ARSG: variants seen among roughly 807,000 people sequenced by gnomAD.
ARSG encodes the protein arylsulfatase G.
Under a neutral mutation model 50.5 loss-of-function variants are expected in ARSG, and 37 were observed. That is an observed-to-expected ratio of 0.73 (90% CI 0.56 to 0.96). The LOEUF is 0.96. Ranked by LOEUF, ARSG falls within the 50% of genes least tolerant of loss-of-function variation. The pLI is 0.00. For synonymous variants in ARSG, 225 were observed against 254.6 expected, an observed-to-expected ratio of 0.88 and a Z score of 1.11; for missense variants, 629 against 675.3, an observed-to-expected ratio of 0.93 and a Z score of 0.76.
At chr17:68,346,102 C>T (rs930540978) in intron 3 of ARSG, among the ~76,000 whole-genome samples, 2 of 152,118 alleles carry the variant, frequency 1.3e-5, no homozygotes, top group Admixed American at 6.6e-5. Flanking sequence ...TCTCAAACTC[C>T]TGGCCTCATG....
chr17:68,426,248 G>GGGGGGGGGGGGGGGT, downstream of ARSG: 1 of 832,028 alleles, frequency 1.2e-6, no homozygotes, highest in Middle Eastern at 3.9e-4. Context: ...CGGGTGGGGA[G>GGGGGGGGGGGGGGGT]CGGGGGCTCA....
rs55668215 is a variant in ARSG at position 68,372,877 on chromosome 17, A to ATT, written c.982+2384_982+2385dup. ...TTCTGGTGCAGAGAAGGAAATGCTG[A>ATT]TTTTTTTTTTTTTTTTTTTTTTTTT... On this transcript the variant is annotated intron_variant, in intron 8 of 11. Transcript: ENST00000621439. 1.4e-3 allele frequency among the ~76,000 whole-genome samples: 127 copies of ATT among 93,168 alleles called. 4 individuals are homozygous for ATT. Among genetic ancestry groups the ATT allele is most frequent in the East Asian group, 4.1e-3 (9 of 2,214 alleles). 61.1% of individuals were successfully genotyped at this position (93,168 alleles called of 152,430 possible). A position where few individuals can be genotyped will look rare whatever the true frequency, so the allele number is the denominator to read the frequency against.
At chr17:68,429,865 A>G in the ARSG span, 9 of 1,335,764 alleles carry the variant, frequency 6.7e-6, no homozygotes, top group East Asian at 2.4e-5. Flanking sequence ...CCGGGATTAC[A>G]GATGTAAGCC....
At chr17:68,264,557 C>T (rs1218783988) in intron 1 of ARSG, among the ~76,000 whole-genome samples, 1 of 151,956 alleles carries the variant, frequency 6.6e-6, no homozygotes, top group Non-Finnish European at 1.5e-5. Context: ...CTCCTGTCAG[C>T]CTCCCGAGTA....
chr17:68,449,301 G>A, the ARSG span, among the ~76,000 whole-genome samples: 1 of 152,284 alleles, frequency 6.6e-6, no homozygotes, highest in Non-Finnish European at 1.5e-5. Flanking sequence ...CTACCAGGTC[G>A]TATAATGGTG....
At chr17:68,442,423 C>T in the ARSG span, among the ~76,000 whole-genome samples, 6,856 of 150,836 alleles carry the variant, frequency 0.045, 481 homozygotes, top group African/African-American at 0.15. Flanking sequence ...TGAGATTGCA[C>T]CACCTCACTC....
Position 68,399,932 on chromosome 17 carries a change from T to C in ARSG, c.1213-1428T>C, listed in dbSNP as rs2081401145. ...CTGCAGGGATGGAAGAAGTGAGGGT[T>C]TTCAGTTACGACTTCTTTTCCTGTT... On this transcript the variant is annotated intron_variant, in intron 10 of 11. Transcript: ENST00000621439. This position sits in a 1 kb window ranked among gnomAD's most constrained non-coding sequence, Gnocchi z 4.6. Among the ~76,000 whole-genome samples, 1 of 152,202 alleles carries C rather than the reference T, an allele frequency of 6.6e-6. No homozygotes were observed. Among genetic ancestry groups the C allele is most frequent in the African/African-American group, 2.4e-5 (1 of 41,446 alleles).
In ARSG at chr17:68,413,265, G is replaced by T. The variant is rs1017582365; in HGVS notation, c.1304-6924G>T. 2.6e-3 allele frequency among the ~76,000 whole-genome samples: 397 copies of T among 152,044 alleles called. 2 individuals carry two copies. The highest frequency in any genetic ancestry group is 9.1e-3 in the African/African-American group (379 of 41,518). On this transcript the variant is annotated intron_variant, in intron 11 of 11. Transcript: ENST00000621439. ...ATCTTTGTGGTTTTATCTACGTTTG[G>T]TCTTTGATGATGGTGATGTACAGAT...
At chr17:68,340,642 G>A (rs2078227967) in intron 2 of ARSG, among the ~76,000 whole-genome samples, 1 of 152,120 alleles carries the variant, frequency 6.6e-6, no homozygotes, top group Admixed American at 6.6e-5. Context: ...GCCCCTCGAA[G>A]TTGACTCTTG....
rs2080413164 is a variant in ARSG at position 68,381,179 on chromosome 17, G to A, written c.983-3885G>A. Among the ~76,000 whole-genome samples the A allele has an allele frequency of 6.6e-6, 1 of 152,184 alleles. No individual in the cohort carries two copies. The highest frequency in any genetic ancestry group is 6.5e-5 in the Admixed American group (1 of 15,274). ...TGGGTCCCAGCCAAGAAAGACCACTGTTCCTCCGCGTGGGCAGTGGTGAGT... is the reference window on the plus strand; with the variant it reads ...TGGGTCCCAGCCAAGAAAGACCACTATTCCTCCGCGTGGGCAGTGGTGAGT... On this transcript the variant is annotated intron_variant, in intron 8 of 11. Coordinates refer to ENST00000621439, the MANE Select transcript of ARSG (RefSeq NM_001267727.2). The surrounding 1 kb of genome is among the most constrained non-coding windows in gnomAD (Gnocchi z 4.1).
chr17:68,268,407 C>T (rs2075219160), intron 1 of ARSG: 1 of 145,172 alleles, frequency 6.9e-6, no homozygotes, highest in Non-Finnish European at 1.5e-5. Context: ...TGGTAATCTT[C>T]ACATTTATGA....
chr17:68,413,354 C>T (rs1207584456), intron 11 of ARSG, among the ~76,000 whole-genome samples: 2 of 152,192 alleles, frequency 1.3e-5, no homozygotes, highest in Non-Finnish European at 2.9e-5. Context: ...GGACCCTCAG[C>T]TGCAGGTCTG....
intron 11 of ARSG, among the ~76,000 whole-genome samples, chr17:68,418,262 T>A (rs1205056240): frequency 6.6e-6 from 1 of 152,224 alleles, no homozygotes; most frequent in Non-Finnish European, 1.5e-5. Context: ...CTTGAACTTA[T>A]AAAGCCTTAG....
intron 3 of ARSG, chr17:68,346,766 C>T (rs993384401): frequency 3.8e-6 from 5 of 1,299,312 alleles, no homozygotes; most frequent in Admixed American, 2.3e-5. Flanking sequence ...CTCCTGGTGC[C>T]TTTGCAGGGC....
intron 8 of ARSG, among the ~76,000 whole-genome samples, chr17:68,376,303 G>T (rs566034252): frequency 3.2e-4 from 43 of 133,802 alleles, no homozygotes; most frequent in African/African-American, 1.2e-3. Flanking sequence ...CTGAGATAGG[G>T]TCTTGCTCTG....
Position 68,296,055 on chromosome 17 carries a change from G to A in ARSG, c.-552+4487G>A, listed in dbSNP as rs1305155536. ...CCACTGCACTTCAGCCTGGGCAACA[G>A]AGTAAGACCCTGTCTCAAACCAACC... On this transcript the variant is annotated intron_variant, in intron 1 of 11. Coordinates refer to ENST00000621439, the MANE Select transcript of ARSG (RefSeq NM_001267727.2). Among the ~76,000 whole-genome samples the A allele has an allele frequency of 2.0e-5, 3 of 152,164 alleles. No individual in the cohort carries two copies. In the East Asian group the frequency reaches 5.8e-4, roughly 29 times the overall value.
At position 68,420,748 on chromosome 17, in the gene ARSG, T is replaced by G; in HGVS notation, c.*285T>G. The G allele has an allele frequency of 2.3e-6, 1 of 441,416 alleles. No individual in the cohort carries two copies. Among genetic ancestry groups the G allele is most frequent in the Non-Finnish European group, 4.0e-6 (1 of 247,610 alleles). 27.3% of individuals were successfully genotyped at this position (441,416 alleles called of 1,614,324 possible). A position where few individuals can be genotyped will look rare whatever the true frequency, so the allele number is the denominator to read the frequency against. On this transcript the variant is annotated 3_prime_UTR_variant, in exon 12 of 12. Coordinates refer to ENST00000621439, the MANE Select transcript of ARSG (RefSeq NM_001267727.2). The stretch of plus-strand genomic sequence containing the variant: ...CCAGCTTTTGAACTTGGGCAATTGT[T>G]TAACCTAACCTGCAAGTTGATTTTG...
rs1215855084 is a variant in ARSG, at chr17:68,378,655, T to C, written c.983-6409T>C. 1.3e-5 allele frequency among the ~76,000 whole-genome samples: 2 copies of C among 152,180 alleles called. No individual in the cohort carries two copies. The highest frequency in any genetic ancestry group is 3.9e-4 in the East Asian group (2 of 5,186). On this transcript the variant is annotated intron_variant, in intron 8 of 11. Coordinates refer to ENST00000621439, the MANE Select transcript of ARSG (RefSeq NM_001267727.2). This position sits in a 1 kb window ranked among gnomAD's most constrained non-coding sequence, Gnocchi z 4.4. ...CTCTCCCAGCAGCCGCCTTCCCTTC[T>C]CCATGCCAGATCTGTTTCCTACCCA...
At chr17:68,349,142 T>G (rs2078640596) in intron 4 of ARSG, among the ~76,000 whole-genome samples, 1 of 151,592 alleles carries the variant, frequency 6.6e-6, no homozygotes, top group Non-Finnish European at 1.5e-5. Flanking sequence ...ACTAAAAAAA[T>G]AAAAAATTAG....
Sources: allele counts gnomAD v4.1 joint callset (sites outside exome capture counted in the v4.1 genomes callset), GRCh38; gene constraint gnomAD v4.1.1; non-coding constraint Gnocchi (gnomAD v3.1); transcripts MANE v1.5; gene names NCBI Gene and HGNC (gene_info 2026-07-23, HGNC 2026-07-21).